Variants in USH2A observed in about 807,000 individuals in gnomAD.
USH2A encodes usherin.
Under a neutral mutation model 538.9 loss-of-function variants are expected in USH2A, and 443 were observed. That is an observed-to-expected ratio of 0.82 (90% CI 0.76 to 0.89). The LOEUF is 0.89. USH2A is among the 40% of genes least tolerant of loss of function. The pLI is 0.00. For missense variants in USH2A, 6,633 were observed against 6,324.8 expected (o/e 1.05, Z -1.65); for synonymous variants, 2,413 against 2,273.5 (o/e 1.06, Z -1.75).
intron 64 of USH2A, among the ~76,000 whole-genome samples, chr1:215,657,682 C>T (rs938657444): frequency 6.6e-6 from 1 of 152,096 alleles, no homozygotes; most frequent in Non-Finnish European, 1.5e-5. Flanking sequence ...AATTCTGGGA[C>T]CCAGGGGAAG....
chr1:215,943,359 AG>A (rs1666682958), intron 37 of USH2A, among the ~76,000 whole-genome samples: 1 of 152,160 alleles, frequency 6.6e-6, no homozygotes, highest in Admixed American at 6.6e-5. Flanking sequence ...AGTTAGAAAA[AG>A]CCAGGAACAG....
At chr1:215,641,129 G>A (rs1027690564) in intron 67 of USH2A, among the ~76,000 whole-genome samples, 1 of 152,064 alleles carries the variant, frequency 6.6e-6, no homozygotes, top group African/African-American at 2.4e-5. Context: ...ATACTATTAA[G>A]TACAGTAGAT....
At chr1:216,163,095 A>G (rs1047002577) in intron 21 of USH2A, among the ~76,000 whole-genome samples, 3 of 151,880 alleles carry the variant, frequency 2.0e-5, no homozygotes, top group African/African-American at 4.8e-5. Context: ...ACTTAAGCAT[A>G]ATAGCTCTGC....
chr1:215,947,066 C>T (rs1183592235), intron 37 of USH2A, among the ~76,000 whole-genome samples: 1 of 145,694 alleles, frequency 6.9e-6, no homozygotes, highest in Non-Finnish European at 1.5e-5. Flanking sequence ...TTAACTGAGA[C>T]TAAGTCACTC....
At chr1:216,325,006 G>C (rs961566872) in intron 6 of USH2A, among the ~76,000 whole-genome samples, 1 of 152,086 alleles carries the variant, frequency 6.6e-6, no homozygotes, top group Admixed American at 6.6e-5. Flanking sequence ...AGAAAGAAAA[G>C]GGATAATTGA....
At chr1:216,140,610 G>A (rs2033583954) in intron 21 of USH2A, among the ~76,000 whole-genome samples, 3 of 152,164 alleles carry the variant, frequency 2.0e-5, no homozygotes, top group African/African-American at 4.8e-5. Context: ...ATGTCTCTAA[G>A]TAAGTGAACA....
chr1:216,021,045 A>C (rs1436742305), intron 32 of USH2A, among the ~76,000 whole-genome samples: 1 of 152,058 alleles, frequency 6.6e-6, no homozygotes, highest in African/African-American at 2.4e-5. Flanking sequence ...CTGGGCTCTT[A>C]AATCTATGGA....
rs727503730 is a variant in USH2A at position 216,175,320 on chromosome 1, A to T, written c.4559T>A (p.Ile1520Asn). The T allele has an allele frequency of 2.5e-6, 4 of 1,613,696 alleles. No individual in the cohort carries two copies. Among genetic ancestry groups the T allele is most frequent in the Admixed American group, 1.7e-5 (1 of 59,950 alleles). Residue 1520 changes from isoleucine (I) to asparagine (N), a missense_variant, in exon 21 of 72, where the codon ATC (isoleucine) becomes AAC (asparagine). By Grantham distance (149) the Ile-to-Asn change is moderately radical (BLOSUM62 -3). Transcript: ENST00000307340. ...ACAATACCCATTTCCTATGAAACGG[A>T]TTCCTTTCATCATCGTGGTCATCAG... ...PALMTTMMKGIRFIGNGYCKF... is the reference protein window; with the variant it reads ...PALMTTMMKGNRFIGNGYCKF...
rs397518036 is a variant in USH2A at position 216,327,619 on chromosome 1, G to C, written c.820C>G (p.Arg274Gly). Residue 274 changes from arginine to glycine, a missense_variant, in exon 5 of 72, where the codon CGA (arginine) becomes GGA (glycine). Coordinates refer to ENST00000307340, the MANE Select transcript of USH2A (RefSeq NM_206933.4). ...TTTGTAAGTGCCACTTGGTATAATC[G>C]AAAATCTTGCATTCTTCCGACAAAC... ...EQFVGRMQDF[R>G]LYQVALTNRE... 3.1e-6 allele frequency: 5 copies of C among 1,613,154 alleles called. No homozygotes were observed. Among genetic ancestry groups the C allele is most frequent in the Non-Finnish European group, 3.4e-6 (4 of 1,179,488 alleles).
intron 32 of USH2A, among the ~76,000 whole-genome samples, chr1:216,006,740 T>C (rs978259372): frequency 6.6e-6 from 1 of 152,208 alleles, no homozygotes; most frequent in African/African-American, 2.4e-5. Flanking sequence ...AGGGTTTACA[T>C]TGAAGCCCTT....
chr1:216,044,761 C>T lies in USH2A; in HGVS notation c.6325+1670G>A, dbSNP rs886471892. The stretch of plus-strand genomic sequence containing the variant: ...ATGCTTGGGTTAGTACCAAAGCCTC[C>T]GACTCAAGCTGTGTGACCTTGGGTT... On this transcript the variant is annotated intron_variant, in intron 32 of 71. Transcript: ENST00000307340. 4.6e-5 allele frequency among the ~76,000 whole-genome samples: 7 copies of T among 152,112 alleles called. No homozygotes were observed. The East Asian group carries it at 1.2e-3, about 25-fold the overall frequency.
At chr1:215,837,702 G>T (rs966612293) in intron 47 of USH2A, among the ~76,000 whole-genome samples, 2 of 152,098 alleles carry the variant, frequency 1.3e-5, no homozygotes, top group African/African-American at 2.4e-5. Context: ...TCCGCAAAAG[G>T]ATTCACTAAA....
At chr1:216,187,282 C>T (rs896736490) in intron 20 of USH2A, among the ~76,000 whole-genome samples, 7 of 151,864 alleles carry the variant, frequency 4.6e-5, no homozygotes, top group Non-Finnish European at 1.0e-4. Context: ...GATCTCAACT[C>T]CTTAACCCAA....
intron 20 of USH2A, among the ~76,000 whole-genome samples, chr1:216,189,926 C>A (rs2034681709): frequency 6.6e-6 from 1 of 151,996 alleles, no homozygotes; most frequent in African/African-American, 2.4e-5. Flanking sequence ...ATTTCTAGTT[C>A]TATATATTTG....
At chr1:215,775,974 T>G (rs7515592) in intron 55 of USH2A, among the ~76,000 whole-genome samples, 1 of 152,010 alleles carries the variant, frequency 6.6e-6, no homozygotes, top group Non-Finnish European at 1.5e-5. Context: ...AAGAGACACA[T>G]AGGCCCTTAT....
intron 51 of USH2A, among the ~76,000 whole-genome samples, chr1:215,789,603 C>T (rs908589128): frequency 6.6e-6 from 1 of 152,060 alleles, no homozygotes; most frequent in African/African-American, 2.4e-5. Context: ...TTGCATTGTC[C>T]AAGGGAATAT....
chr1:215,841,897 C>T (rs956746874), intron 46 of USH2A, among the ~76,000 whole-genome samples: 6 of 152,034 alleles, frequency 3.9e-5, no homozygotes, highest in Non-Finnish European at 5.9e-5. Flanking sequence ...TGAACAGACA[C>T]GTCTCCAAAG....
intron 56 of USH2A, 88 bp from the exon 57 acceptor site, chr1:215,759,931 TA>T: frequency 6.0e-6 from 9 of 1,501,386 alleles, no homozygotes; most frequent in Non-Finnish European, 8.3e-6. Flanking sequence ...TGAACTGTGA[TA>T]TTTTTTCTGT....
chr1:216,152,032 G>T (rs1425038169), intron 21 of USH2A, among the ~76,000 whole-genome samples: 1 of 151,626 alleles, frequency 6.6e-6, no homozygotes, highest in Non-Finnish European at 1.5e-5. Flanking sequence ...CTTACCACAA[G>T]ACCTCCCTTC....
Sources: allele counts gnomAD v4.1 joint callset (sites outside exome capture counted in the v4.1 genomes callset), GRCh38; gene constraint gnomAD v4.1.1; transcripts MANE v1.5; gene names NCBI Gene and HGNC (gene_info 2026-07-23, HGNC 2026-07-21).